The following KIF1A variants were observed in gnomAD, a reference collection of about 807,000 sequenced individuals.
KIF1A encodes kinesin family member 1A, also known as kinesin-like protein KIF1A.
Under a neutral mutation model 227.3 loss-of-function variants are expected in KIF1A, and 46 were observed. The ratio of observed to expected loss-of-function variants is 0.20; its 90% CI spans 0.16 to 0.26. The LOEUF (loss-of-function observed/expected upper bound fraction) is 0.26, where lower values mean the gene tolerates loss of function less well. KIF1A is among the 10% of genes least tolerant of loss of function. KIF1A has a pLI of 1.00. For synonymous variants in KIF1A, 1,022 were observed against 1,012.8 expected (o/e 1.01, Z -0.17); for missense variants, 1,683 against 2,485.9 (o/e 0.68, Z 6.87).
At chr2:240,819,491 C>A (rs1362905454) in intron 1 of KIF1A, among the ~76,000 whole-genome samples, 1 of 152,090 alleles carries the variant, frequency 6.6e-6, no homozygotes, top group African/African-American at 2.4e-5. Flanking sequence ...AAGCGGGTGG[C>A]CAGGCCCCAA....
In KIF1A at chr2:240,718,091, G is replaced by A; in HGVS notation, c.5292C>T (p.Asp1764=). ...LQAASDKDMH[D]WLYAFNPLLA... Reference sequence around the variant, plus strand: ...GGAGGGGGTTGAAGGCGTACAGCCAGTCATGCATGTCCTTGTCGCTGGCGG... The same window carrying A: ...GGAGGGGGTTGAAGGCGTACAGCCAATCATGCATGTCCTTGTCGCTGGCGG... The change falls in exon 48 of 49, where the codon GAC becomes GAT. Residue 1764 remains aspartate (D), a synonymous_variant. Coordinates refer to ENST00000498729, the MANE Select transcript of KIF1A (RefSeq NM_001244008.2). 6.2e-7 allele frequency: 1 copy of A among 1,611,772 alleles called. No homozygotes were observed. The highest frequency in any genetic ancestry group is 8.5e-7 in the Non-Finnish European group (1 of 1,179,416).
intron 48 of KIF1A, 24 bp from the exon 49 acceptor site, chr2:240,717,430 G>T: frequency 1.2e-6 from 2 of 1,607,948 alleles, no homozygotes; most frequent in East Asian, 2.2e-5. Flanking sequence ...GGGAGAGGCG[G>T]CGTGGTCAGG....
At position 240,773,103 on chromosome 2, in the gene KIF1A, C is replaced by G; in HGVS notation, c.1180+11G>C. The G allele has an allele frequency of 6.2e-7, 1 of 1,606,454 alleles. No homozygotes were observed. Among genetic ancestry groups the G allele is most frequent in the South Asian group, 1.1e-5 (1 of 89,872 alleles). ...CAACCCTGTCCAGGACAGGCTGGAG[C>G]AGGCACTCACTGTCAGTGATGTCGC... On this transcript the variant is annotated intron_variant, in intron 13 of 48. Transcript: ENST00000498729.
chr2:240,725,623 G>C lies in KIF1A; in HGVS notation c.4123-219C>G, dbSNP rs867092258. The C allele has an allele frequency of 7.2e-6, 4 of 554,800 alleles. No individual in the cohort carries two copies. Among genetic ancestry groups the C allele is most frequent in the Middle Eastern group, 4.8e-4 (1 of 2,076 alleles). The allele number at this position is 554,800 out of a possible 1,614,324, so 34.4% of individuals were successfully genotyped here. ...GGTAGCCACAGCTCTGTCCACCCCT[G>C]GGCTGCCTGAGGGACTGGTCTCCAT... On this transcript the variant is annotated intron_variant, in intron 39 of 48. Transcript: ENST00000498729. The surrounding 1 kb of genome is among the most constrained non-coding windows in gnomAD (Gnocchi z 5.8).
At chr2:240,782,919 C>T (rs1003222697) in intron 9 of KIF1A, 125 bp downstream of exon 9, 12 of 830,864 alleles carry the variant, frequency 1.4e-5, no homozygotes, top group Admixed American at 5.6e-5. Context: ...TGGCCATCTC[C>T]GGGCTCTCCC....
intron 40 of KIF1A, chr2:240,724,393 T>G: frequency 5.7e-6 from 2 of 352,974 alleles, no homozygotes; most frequent in Non-Finnish European, 5.4e-6. Context: ...TCAGGCCCCA[T>G]ACCCCACAGA....
At chr2:240,803,062 T>G (rs1481669154) in intron 1 of KIF1A, among the ~76,000 whole-genome samples, 1 of 152,192 alleles carries the variant, frequency 6.6e-6, no homozygotes, top group Non-Finnish European at 1.5e-5. Flanking sequence ...CACAATAGAA[T>G]TATGCTATAC....
intron 11 of KIF1A, 119 bp from the exon 12 acceptor site, chr2:240,774,380 G>T: frequency 2.2e-6 from 1 of 457,598 alleles, no homozygotes; most frequent in Non-Finnish European, 4.1e-6. Flanking sequence ...GGTAAACTGA[G>T]TCACAGGCTT....
chr2:240,769,808 C>CCAT (rs2051708840), intron 15 of KIF1A, 102 bp from the exon 16 acceptor site: 1 of 921,268 alleles, frequency 1.1e-6, no homozygotes, highest in Non-Finnish European at 1.7e-6. Flanking sequence ...AGCACAAGCG[C>CCAT]CATATTCCTG....
intron 2 of KIF1A, among the ~76,000 whole-genome samples, chr2:240,791,596 C>A (rs960693559): frequency 2.0e-5 from 3 of 150,330 alleles, no homozygotes; most frequent in African/African-American, 7.4e-5. Context: ...CCCACACCCC[C>A]ACTAGCCCTT....
chr2:240,726,846 T>C lies in KIF1A; in HGVS notation c.4102A>G (p.Thr1368Ala). 1.2e-6 allele frequency: 2 copies of C among 1,610,150 alleles called. No homozygotes were observed. Among genetic ancestry groups the C allele is most frequent in the Non-Finnish European group, 1.7e-6 (2 of 1,177,592 alleles). The change falls in exon 39 of 49, where the codon ACA (threonine) becomes GCA (alanine). Residue 1368 changes from threonine to alanine, a missense_variant. By Grantham distance (58) the Thr-to-Ala change is moderately conservative. Around this residue, in one of 12 missense-constraint regions of KIF1A, gnomAD observed 759 missense variants for 1,020.2 expected, o/e 0.74. Transcript: ENST00000498729. This position sits in a 1 kb window ranked among gnomAD's most constrained non-coding sequence, Gnocchi z 5.2. ...CTTGCCTCGATATAAGCGGAGAGTG[T>C]CATGTAGATTTTCTCTCGATAAGGG... is the stretch of plus-strand genomic sequence containing the variant. Reference protein sequence around the residue: ...VTPYREKIYMTLSAYIEMENC... With the variant: ...VTPYREKIYMALSAYIEMENC...
chr2:240,720,802 G>A, intron 45 of KIF1A, 112 bp downstream of exon 45: 2 of 1,305,288 alleles, frequency 1.5e-6, no homozygotes, highest in Non-Finnish European at 2.1e-6. Flanking sequence ...CCACCCCAAG[G>A]CACTCGGCCA....
chr2:240,767,367 A>G, intron 17 of KIF1A, 22 bp from the exon 18 acceptor site: 1 of 1,602,284 alleles, frequency 6.2e-7, no homozygotes, highest in Non-Finnish European at 8.5e-7. Context: ...CAGGAGGATC[A>G]TCTCTCTTGC....
intron 6 of KIF1A, 145 bp from the exon 7 acceptor site, chr2:240,785,245 T>G (rs766094688): frequency 3.3e-5 from 22 of 658,414 alleles, no homozygotes; most frequent in Non-Finnish European, 4.7e-5. Flanking sequence ...CTGGCACTGA[T>G]GGCGCCTCCT....
At chr2:240,735,746 A>G (rs549094645) in intron 38 of KIF1A, among the ~76,000 whole-genome samples, 78 of 152,264 alleles carry the variant, frequency 5.1e-4, no homozygotes, top group African/African-American at 1.8e-3. Flanking sequence ...TCATGGCGGC[A>G]GGAGAAGCAA....
rs1485121388 is a variant in KIF1A, at chr2:240,774,209, G to A, written c.1011C>T (p.Asn337=). 6.2e-7 allele frequency: 1 copy of A among 1,608,618 alleles called. No homozygotes were observed. Among genetic ancestry groups the A allele is most frequent in the Non-Finnish European group, 8.5e-7 (1 of 1,176,114 alleles). ...TCAGCGTGCTAAGGGTCTCATCGTA[G>A]TTGATGTCTGCAGGACTCAAGGCTG... ...MVAALSPADI[N]YDETLSTLRY... The change falls in exon 12 of 49, where the codon AAC becomes AAT. Residue 337 remains asparagine, a synonymous_variant. Coordinates refer to ENST00000498729, the MANE Select transcript of KIF1A (RefSeq NM_001244008.2).
intron 1 of KIF1A, among the ~76,000 whole-genome samples, chr2:240,815,841 C>A (rs10210003): frequency 2.0e-5 from 3 of 152,276 alleles, no homozygotes; most frequent in African/African-American, 7.2e-5. Context: ...AAAATGGGAA[C>A]ACCACCACCT....
intron 1 of KIF1A, among the ~76,000 whole-genome samples, chr2:240,800,097 C>T (rs1016064553): frequency 7.1e-6 from 1 of 140,826 alleles, no homozygotes; most frequent in African/African-American, 2.6e-5. Flanking sequence ...CTAAGCATGT[C>T]CAAAGCAGAC....
intron 10 of KIF1A, chr2:240,782,111 C>A: frequency 2.0e-6 from 2 of 985,382 alleles, no homozygotes; most frequent in Non-Finnish European, 2.4e-6. Flanking sequence ...CAGTCCCCAG[C>A]GTCGCCCCAG....
Sources: gnomAD v4.1 joint callset for allele counts (sites outside exome capture counted in the v4.1 genomes callset) on GRCh38, gnomAD v4.1.1 for gene constraint, gnomAD v4.1.1 regional missense constraint, Gnocchi (gnomAD v3.1) non-coding constraint, MANE v1.5 for transcripts, NCBI Gene and HGNC (gene_info 2026-07-23, HGNC 2026-07-21) for gene names.